The following KCNQ4 variants were observed in gnomAD, a reference collection of about 807,000 sequenced individuals.
KCNQ4 encodes the protein potassium voltage-gated channel subfamily KQT member 4.
In KCNQ4, 31 loss-of-function variants were observed where a neutral mutation model predicts 72.6. That is an observed-to-expected ratio of 0.43 (90% CI 0.32 to 0.58). The LOEUF is 0.58. Among genes scored for constraint, KCNQ4 ranks in the 20% least tolerant of loss-of-function variants. The pLI, the probability that KCNQ4 is intolerant of heterozygous loss-of-function variation, is 0.08. For synonymous variants in KCNQ4, 405 were observed against 403.7 expected, an observed-to-expected ratio of 1.00 and a Z score of -0.04; for missense variants, 869 against 962.6, an observed-to-expected ratio of 0.90 and a Z score of 1.29.
In KCNQ4 at chr1:40,817,193, C is replaced by A; in HGVS notation, c.315-72C>A. 3 of 1,219,636 alleles carry A rather than the reference C, an allele frequency of 2.5e-6. No individual in the cohort carries two copies. The highest frequency in any genetic ancestry group is 3.6e-6 in the Non-Finnish European group (3 of 829,810). The allele number at this position is 1,219,636 out of a possible 1,614,324, so 75.6% of individuals were successfully genotyped here. A position where few individuals can be genotyped will look rare whatever the true frequency, so the allele number is the denominator to read the frequency against. ...TGTTCTCCTCTCTTGGCTCTGTAAC[C>A]CCCTGCCAGGGGCACCTTGGCTGTC... On this transcript the variant is annotated intron_variant, in intron 1 of 13. Transcript: ENST00000347132. This position sits in a 1 kb window ranked among gnomAD's most constrained non-coding sequence, Gnocchi z 5.5.
chr1:40,784,129 TCC>T lies in KCNQ4; in HGVS notation c.40_41del (p.Pro14AlafsTer221). The T allele has an allele frequency of 1.1e-6, 1 of 917,574 alleles. No homozygotes were observed. Among genetic ancestry groups the T allele is most frequent in the Non-Finnish European group, 1.3e-6 (1 of 754,070 alleles). The allele number at this position is 917,574 out of a possible 1,614,324, so 56.8% of individuals were successfully genotyped here. On this transcript the variant is annotated frameshift_variant, in exon 1 of 14. Coordinates refer to ENST00000347132, the MANE Select transcript of KCNQ4 (RefSeq NM_004700.4). LOFTEE classifies it high-confidence loss of function. The surrounding 1 kb of genome is among the most constrained non-coding windows in gnomAD (Gnocchi z 4.1). ...CCCCCCCGCGCCGCCTCGGCCTGGG[TCC>T]CCCGCCCGGGGACGCCCCCCGCGCG... ...EAPPRRLGLG[P>X]PPGDAPRAEL...
Position 40,835,193 on chromosome 1 carries a change from G to T in KCNQ4, c.1745+95G>T, listed in dbSNP as rs1436384056. The T allele has an allele frequency of 2.0e-6, 3 of 1,470,128 alleles. No individual in the cohort carries two copies. The Admixed American group carries it at 5.9e-5, about 29-fold the overall frequency. The allele number at this position is 1,470,128 out of a possible 1,614,324, so 91.1% of individuals were successfully genotyped here. A position where few individuals can be genotyped will look rare whatever the true frequency, so the allele number is the denominator to read the frequency against. On this transcript the variant is annotated intron_variant, in intron 12 of 13. Transcript: ENST00000347132. ...GGCCAACCCCCGAGCACCCCCAAGGGCTCACTGCTGCAGCTGAGTTTCTAG... is the reference window on the plus strand; with the variant it reads ...GGCCAACCCCCGAGCACCCCCAAGGTCTCACTGCTGCAGCTGAGTTTCTAG...
At position 40,817,297 on chromosome 1, in the gene KCNQ4, C is replaced by A; in HGVS notation, c.347C>A (p.Ser116Tyr). 6.2e-7 allele frequency: 1 copy of A among 1,614,068 alleles called. No homozygotes were observed. The highest frequency in any genetic ancestry group is 8.5e-7 in the Non-Finnish European group (1 of 1,179,984). The change falls in exon 2 of 14, where the codon TCT becomes TAT. Residue 116 changes from serine to tyrosine, a missense_variant. Physicochemically the swap from Ser to Tyr is moderately radical, Grantham distance 144. This residue lies in a region of KCNQ4 where 179 missense variants were observed against 243.0 expected (regional missense o/e 0.74). Coordinates refer to ENST00000347132, the MANE Select transcript of KCNQ4 (RefSeq NM_004700.4). The surrounding 1 kb of genome is among the most constrained non-coding windows in gnomAD (Gnocchi z 5.5). The part of the protein sequence containing the change: ...FLLVFSCLVL[S>Y]VLSTIQEHQE... ...CTGGTCTTCAGCTGCCTGGTGCTGT[C>A]TGTGCTGTCCACTATCCAGGAGCAC...
At chr1:40,813,506 G>A (rs963142594) in intron 1 of KCNQ4, among the ~76,000 whole-genome samples, 10 of 152,134 alleles carry the variant, frequency 6.6e-5, no homozygotes, top group Admixed American at 3.3e-4. Flanking sequence ...CCGTGGTGCC[G>A]TTACTGAGAT....
Position 40,831,115 on chromosome 1 carries a change from A to T in KCNQ4, c.1324A>T (p.Met442Leu), listed in dbSNP as rs757017689. 1 of 1,607,308 alleles carries T rather than the reference A, an allele frequency of 6.2e-7. No individual in the cohort carries two copies. The highest frequency in any genetic ancestry group is 8.5e-7 in the Non-Finnish European group (1 of 1,177,048). Residue 442 changes from methionine to leucine, a missense_variant, in exon 10 of 14, where the codon ATG becomes TTG. Transcript: ENST00000347132. ...SRMGIKDRIR[M>L]GSSQRRTGPS... ...GATGGGCATCAAAGACCGCATCCGC[A>T]TGGGCAGCTCCCAGCGGCGGACGGG... is the stretch of plus-strand genomic sequence containing the variant.
chr1:40,832,448 C>T (rs1338458205), intron 10 of KCNQ4, among the ~76,000 whole-genome samples: 1 of 152,234 alleles, frequency 6.6e-6, no homozygotes, highest in African/African-American at 2.4e-5. Flanking sequence ...CGGGCTCTTG[C>T]CACTGCTCCT....
intron 1 of KCNQ4, among the ~76,000 whole-genome samples, chr1:40,813,787 G>A (rs891416070): frequency 2.6e-5 from 4 of 151,866 alleles, no homozygotes; most frequent in Admixed American, 6.6e-5. Context: ...TCACTCTGTC[G>A]CCCAGGCTGG....
chr1:40,793,825 C>A (rs1018000656), intron 1 of KCNQ4, among the ~76,000 whole-genome samples: 12 of 152,330 alleles, frequency 7.9e-5, no homozygotes, highest in African/African-American at 2.9e-4. Context: ...AGTTTGAGCA[C>A]CACCTCTTCT....
chr1:40,820,070 G>C, intron 6 of KCNQ4, 85 bp downstream of exon 6: 2 of 1,533,956 alleles, frequency 1.3e-6, no homozygotes, highest in Non-Finnish European at 1.8e-6. Flanking sequence ...GGGAGCCTGG[G>C]GTACCTCAGA....
intron 1 of KCNQ4, among the ~76,000 whole-genome samples, chr1:40,803,657 G>A (rs1002128574): frequency 6.6e-6 from 1 of 152,146 alleles, no homozygotes; most frequent in Admixed American, 6.5e-5. Context: ...TCCTGGCCTC[G>A]AGTCACACAG....
chr1:40,838,190 T>C (rs1318759878), intron 13 of KCNQ4, 121 bp from the exon 14 acceptor site: 2 of 856,974 alleles, frequency 2.3e-6, no homozygotes, highest in African/African-American at 3.3e-5. Flanking sequence ...GCGGGATTTG[T>C]GCTTCCCAGA....
intron 10 of KCNQ4, among the ~76,000 whole-genome samples, chr1:40,832,763 G>A (rs1366969997): frequency 6.6e-6 from 1 of 152,182 alleles, no homozygotes; most frequent in Non-Finnish European, 1.5e-5. Flanking sequence ...GTGCCCTAAA[G>A]CAGCTCCCAC....
chr1:40,826,876 C>T (rs1226578554), intron 9 of KCNQ4, among the ~76,000 whole-genome samples: 2 of 152,234 alleles, frequency 1.3e-5, no homozygotes, highest in African/African-American at 4.8e-5. Context: ...GGCATGGGCC[C>T]AGGGTGCCAG....
At chr1:40,834,907 GTGCTGGGAAAGAATCCC>G in intron 11 of KCNQ4, 43 bp from the exon 12 acceptor site, 1 of 1,603,442 alleles carries the variant, frequency 6.2e-7, no homozygotes, top group Admixed American at 1.7e-5. Context: ...GATGGAGAGG[GTGCTGGGAAAGAATCCC>G]TGCTCTAACA....
intron 1 of KCNQ4, among the ~76,000 whole-genome samples, chr1:40,796,320 C>G (rs1647409493): frequency 6.6e-6 from 1 of 152,210 alleles, no homozygotes; most frequent in Non-Finnish European, 1.5e-5. Context: ...AAAGATAATA[C>G]TAGCAGGACC....
chr1:40,799,126 C>T (rs1488476986), intron 1 of KCNQ4, among the ~76,000 whole-genome samples: 1 of 152,272 alleles, frequency 6.6e-6, no homozygotes, highest in Non-Finnish European at 1.5e-5. Flanking sequence ...AGATCCCTGG[C>T]ATACACCCAG....
At chr1:40,819,130 G>A in intron 4 of KCNQ4, 1 of 561,988 alleles carries the variant, frequency 1.8e-6, no homozygotes, top group Non-Finnish European at 3.2e-6. Flanking sequence ...GGCAGGCGGG[G>A]TGAGGGTGGG....
chr1:40,818,515 G>T lies in KCNQ4; in HGVS notation c.543G>T (p.Val181=), dbSNP rs756443917. Residue 181 remains valine (V), a synonymous_variant, in exon 4 of 14, where the codon GTG becomes GTT. Coordinates refer to ENST00000347132, the MANE Select transcript of KCNQ4 (RefSeq NM_004700.4). ...CCCCCGCCCCTGCAGACTTCATCGT[G>T]TTCGTGGCCTCGGTGGCCGTCATCG... ...RKPFCVIDFI[V]FVASVAVIAA... The T allele has an allele frequency of 9.4e-6, 15 of 1,601,756 alleles. No homozygotes were observed. Among genetic ancestry groups the T allele is most frequent in the Non-Finnish European group, 1.3e-5 (15 of 1,179,860 alleles).
At chr1:40,819,253 A>C in intron 4 of KCNQ4, 94 bp from the exon 5 acceptor site, 1 of 1,468,296 alleles carries the variant, frequency 6.8e-7, no homozygotes, top group African/African-American at 1.4e-5. Context: ...ACTCCGGGAG[A>C]TGGGGGACCT....
Sources: allele counts gnomAD v4.1 joint callset (sites outside exome capture counted in the v4.1 genomes callset), GRCh38; gene constraint gnomAD v4.1.1; regional missense constraint gnomAD v4.1.1; non-coding constraint Gnocchi (gnomAD v3.1); transcripts MANE v1.5; gene names NCBI Gene and HGNC (gene_info 2026-07-23, HGNC 2026-07-21).